Variants in PI4KA observed in about 807,000 individuals in gnomAD.
The protein encoded by PI4KA is phosphatidylinositol 4-kinase alpha.
In PI4KA, 122 loss-of-function variants were observed where a neutral mutation model predicts 271.4. The ratio of observed to expected loss-of-function variants is 0.45; its 90% CI spans 0.39 to 0.52. The LOEUF is 0.52. Among genes scored for constraint, PI4KA ranks in the 20% least tolerant of loss-of-function variants. PI4KA has a pLI of 0.00. For synonymous variants in PI4KA, 1,041 were observed against 1,078.8 expected, an observed-to-expected ratio of 0.96 and a Z score of 0.69; for missense variants, 1,969 against 2,769.1, an observed-to-expected ratio of 0.71 and a Z score of 6.48.
intron 25 of PI4KA, 141 bp downstream of exon 25, chr22:20,752,762 G>A (rs1175519805): frequency 4.1e-5 from 33 of 811,586 alleles, no homozygotes; most frequent in African/African-American, 1.0e-4. Context: ...ACATTGGAGG[G>A]AGGCTGCATC....
chr22:20,808,291 A>C (rs1935781947), intron 9 of PI4KA, among the ~76,000 whole-genome samples: 1 of 142,394 alleles, frequency 7.0e-6, no homozygotes, highest in Non-Finnish European at 1.6e-5. Flanking sequence ...ACTCTGTCTC[A>C]AAAAAAAAAA....
At chr22:20,788,998 C>T (rs1283287266) in intron 19 of PI4KA, among the ~76,000 whole-genome samples, 2 of 152,274 alleles carry the variant, frequency 1.3e-5, no homozygotes, top group East Asian at 3.9e-4. Context: ...GGTGTGGAGT[C>T]CTCCACACTC....
chr22:20,718,998 C>G (rs1048100722), intron 43 of PI4KA, among the ~76,000 whole-genome samples, 176 bp from the exon 44 acceptor site: 1 of 152,270 alleles, frequency 6.6e-6, no homozygotes, highest in Non-Finnish European at 1.5e-5. Context: ...GCTGACGCTG[C>G]TGGGAAGCTA....
chr22:20,735,049 GCGAGC>G (rs1928550298), intron 32 of PI4KA, among the ~76,000 whole-genome samples: 1 of 152,026 alleles, frequency 6.6e-6, no homozygotes, highest in African/African-American at 2.4e-5. Context: ...TGGAGCCGAG[GCGAGC>G]CTGCAGCCAC....
chr22:20,733,990 T>C, intron 34 of PI4KA, 53 bp downstream of exon 34: 3 of 1,532,196 alleles, frequency 2.0e-6, no homozygotes, highest in South Asian at 1.2e-5. Context: ...AGACGCCCCA[T>C]GACACACTGT....
Position 20,751,330 on chromosome 22 carries a change from T to C in PI4KA, c.3116A>G (p.Tyr1039Cys). The C allele has an allele frequency of 6.2e-7, 1 of 1,614,026 alleles. No homozygotes were observed. The highest frequency in any genetic ancestry group is 8.5e-7 in the Non-Finnish European group (1 of 1,179,984). The change falls in exon 27 of 55, where the codon TAC becomes TGC. Residue 1039 changes from tyrosine (Y) to cysteine (C), a missense_variant. Physicochemically the swap from Tyr to Cys is radical, Grantham distance 194 (BLOSUM62 -2). This residue lies in a region of PI4KA where 368 missense variants were observed against 544.3 expected (regional missense o/e 0.68). Transcript: ENST00000255882. ...GTACGTGTCAGGAACCGTGATCCGG[T>C]AGGGGGCGTCGGGGATGTCATAGTA... ...QPYYDIPDAP[Y>C]RITVPDTYEA...
chr22:20,832,589 G>T (rs1457386195), intron 3 of PI4KA, among the ~76,000 whole-genome samples: 2 of 152,082 alleles, frequency 1.3e-5, no homozygotes, highest in Non-Finnish European at 2.9e-5. Flanking sequence ...AAGTAGCTGG[G>T]ATTATAGGAA....
At chr22:20,732,008 T>TA (rs889765570) in intron 36 of PI4KA, among the ~76,000 whole-genome samples, 15 of 143,650 alleles carry the variant, frequency 1.0e-4, no homozygotes, top group African/African-American at 2.9e-4. Flanking sequence ...CCGTCTCTAC[T>TA]AAAAAAATAC....
At chr22:20,855,622 T>C (rs1391641754) in intron 1 of PI4KA, among the ~76,000 whole-genome samples, 1 of 152,208 alleles carries the variant, frequency 6.6e-6, no homozygotes, top group African/African-American at 2.4e-5. Context: ...ACAGGCTTCC[T>C]TATGTTCTCT....
At chr22:20,773,566 G>A (rs566562268) in intron 19 of PI4KA, among the ~76,000 whole-genome samples, 14 of 152,304 alleles carry the variant, frequency 9.2e-5, no homozygotes, top group South Asian at 2.1e-4. Context: ...AGCAACCCTT[G>A]ACTGAAGAAA....
intron 19 of PI4KA, chr22:20,780,341 C>T: frequency 7.7e-7 from 1 of 1,296,176 alleles, no homozygotes; most frequent in Non-Finnish European, 1.1e-6. Flanking sequence ...GGAACGGGGA[C>T]AGGGAAGGCC....
rs1926165222 is a variant in PI4KA at position 20,845,828 on chromosome 22, G to A, written c.157-7097C>T. Among the ~76,000 whole-genome samples the A allele has an allele frequency of 2.6e-5, 4 of 152,316 alleles. No homozygotes were observed. In the South Asian group the frequency reaches 8.3e-4, roughly 32 times the overall value. On this transcript the variant is annotated intron_variant, in intron 1 of 54. Coordinates refer to ENST00000255882, the MANE Select transcript of PI4KA (RefSeq NM_058004.4). ...TGCAGTAAGCTATGATCGTGCCACTGCACTCCAGCCTGGGCAACAGAGCAG... is the reference window on the plus strand; with the variant it reads ...TGCAGTAAGCTATGATCGTGCCACTACACTCCAGCCTGGGCAACAGAGCAG...
intron 1 of PI4KA, among the ~76,000 whole-genome samples, chr22:20,842,608 T>C (rs1601606808): frequency 7.7e-6 from 1 of 129,576 alleles, no homozygotes; most frequent in African/African-American, 3.0e-5. Flanking sequence ...AGGCCAGGAG[T>C]TCGAGACTAT....
chr22:20,773,898 G>C (rs754356076), intron 19 of PI4KA: 1 of 152,258 alleles, frequency 6.6e-6, no homozygotes, highest in Non-Finnish European at 1.5e-5. Flanking sequence ...TGCTAACACA[G>C]TAACCGTCAT....
chr22:20,826,087 A>G (rs1923381246), intron 3 of PI4KA, among the ~76,000 whole-genome samples: 1 of 152,222 alleles, frequency 6.6e-6, no homozygotes, highest in Non-Finnish European at 1.5e-5. Flanking sequence ...TCACACTTGT[A>G]ATCCCAGCAC....
chr22:20,732,908 A>T (rs982804236), intron 36 of PI4KA, 63 bp downstream of exon 36: 49 of 1,602,154 alleles, frequency 3.1e-5, no homozygotes, highest in Non-Finnish European at 3.8e-5. Flanking sequence ...CCCTCGGGGC[A>T]GCCCACGTGG....
At chr22:20,762,237 C>T (rs1250652929) in intron 22 of PI4KA, among the ~76,000 whole-genome samples, 1 of 152,176 alleles carries the variant, frequency 6.6e-6, no homozygotes, top group Non-Finnish European at 1.5e-5. Context: ...GGCCTCTGCA[C>T]CAACCTGTCA....
intron 3 of PI4KA, among the ~76,000 whole-genome samples, chr22:20,824,978 G>A (rs1923206408): frequency 6.8e-6 from 1 of 147,828 alleles, no homozygotes; most frequent in East Asian, 2.0e-4. Flanking sequence ...GCTGAGACAG[G>A]AGAATAGCTC....
At chr22:20,821,174 T>C (rs1327038122) in intron 4 of PI4KA, among the ~76,000 whole-genome samples, 1 of 152,252 alleles carries the variant, frequency 6.6e-6, no homozygotes, top group African/African-American at 2.4e-5. Context: ...CACTTCACAC[T>C]GCTTATGTGA....
Sources: allele counts gnomAD v4.1 joint callset (sites outside exome capture counted in the v4.1 genomes callset), GRCh38; gene constraint gnomAD v4.1.1; regional missense constraint gnomAD v4.1.1; transcripts MANE v1.5; gene names NCBI Gene and HGNC (gene_info 2026-07-23, HGNC 2026-07-21).